TTC12: variants seen among roughly 807,000 people sequenced by gnomAD.
The protein encoded by TTC12 is tetratricopeptide repeat domain 12, also known as tetratricopeptide repeat protein 12.
Under a neutral mutation model 90.1 loss-of-function variants are expected in TTC12, and 70 were observed. The ratio of observed to expected loss-of-function variants is 0.78; its 90% CI spans 0.64 to 0.95. TTC12 has a LOEUF of 0.95. Among genes scored for constraint, TTC12 ranks in the 40% least tolerant of loss-of-function variants. The pLI is 0.00. For missense variants in TTC12, 819 were observed against 846.1 expected, an observed-to-expected ratio of 0.97 and a Z score of 0.40; for synonymous variants, 296 against 311.5, an observed-to-expected ratio of 0.95 and a Z score of 0.53.
chr11:113,349,338 A>G (rs187483840), intron 13 of TTC12, among the ~76,000 whole-genome samples: 11 of 152,230 alleles, frequency 7.2e-5, no homozygotes, highest in African/African-American at 2.2e-4. Context: ...AGTACTGAGC[A>G]CAGTATACTT....
At chr11:113,359,579 T>C in intron 17 of TTC12, 118 bp downstream of exon 17, 1 of 733,128 alleles carries the variant, frequency 1.4e-6, no homozygotes, top group South Asian at 1.8e-5. Context: ...ACACTGGCCG[T>C]GGAATGGGAA....
In TTC12 at chr11:113,344,399, G is replaced by A. The variant is rs1555147350; in HGVS notation, c.1113G>A (p.Glu371=). 1.9e-6 allele frequency: 3 copies of A among 1,614,132 alleles called. No homozygotes were observed. Among genetic ancestry groups the A allele is most frequent in the Non-Finnish European group, 2.5e-6 (3 of 1,180,012 alleles). Residue 371 remains glutamate (E), a synonymous_variant, in exon 13 of 22, where the codon GAG becomes GAA. Transcript: ENST00000529221. ...FALLLHLAQT[E]SGRSLIINHL... ...TGCTGCTGCATCTCGCCCAGACTGA[G>A]AGCGGACGGAGCCTGATCATCAACC...
At chr11:113,333,361 T>A (rs1948170361) in intron 7 of TTC12, among the ~76,000 whole-genome samples, 1 of 152,140 alleles carries the variant, frequency 6.6e-6, no homozygotes, top group African/African-American at 2.4e-5. Context: ...TCAGCCCAGA[T>A]CCCTCCTTTG....
At chr11:113,349,338 A>C (rs187483840) in intron 13 of TTC12, among the ~76,000 whole-genome samples, 2 of 152,230 alleles carry the variant, frequency 1.3e-5, no homozygotes, top group African/African-American at 2.4e-5. Flanking sequence ...AGTACTGAGC[A>C]CAGTATACTT....
rs1555147209 is a variant in TTC12, at chr11:113,344,310, G to A, written c.1024G>A (p.Ala342Thr). The A allele has an allele frequency of 6.2e-7, 1 of 1,614,012 alleles. No individual in the cohort carries two copies. Among genetic ancestry groups the A allele is most frequent in the Non-Finnish European group, 8.5e-7 (1 of 1,180,004 alleles). ...TGTGCTAGTGATACACCATGACAGG[G>A]CCAGGCTGTTGGCCGCCCTCTTGTC... ...QRVLVIHHDR[A>T]RLLAALLSSK... Residue 342 changes from alanine (A) to threonine (T), a missense_variant, in exon 13 of 22, where the codon GCC (alanine) becomes ACC (threonine). Ala to Thr is a moderately conservative substitution (Grantham distance 58, BLOSUM62 0). Transcript: ENST00000529221.
At chr11:113,369,507 G>A (rs897794238), downstream of TTC12, among the ~76,000 whole-genome samples, 10 of 145,126 alleles carry the variant, frequency 6.9e-5, no homozygotes, top group Non-Finnish European at 1.0e-4. Context: ...GCCTCATAAC[G>A]ACTGTGAGGT....
In TTC12 at chr11:113,325,562, A is replaced by G. The variant is rs1947634457; in HGVS notation, c.361A>G (p.Asn121Asp). The G allele has an allele frequency of 3.7e-6, 6 of 1,613,870 alleles. No homozygotes were observed. The highest frequency in any genetic ancestry group is 5.1e-6 in the Non-Finnish European group (6 of 1,179,856). The change falls in exon 6 of 22, where the codon AAT becomes GAT. Residue 121 changes from asparagine (N) to aspartate (D), a missense_variant. Physicochemically the swap from Asn to Asp is conservative, Grantham distance 23 (BLOSUM62 1). Coordinates refer to ENST00000529221, the MANE Select transcript of TTC12 (RefSeq NM_017868.4). ...EKGNEAFAEG[N>D]YETAILRYSE... Reference sequence around the variant, plus strand: ...AGGGAATGAAGCATTTGCTGAAGGCAATTATGAAACAGCTATCCTGCGCTA... The same window carrying G: ...AGGGAATGAAGCATTTGCTGAAGGCGATTATGAAACAGCTATCCTGCGCTA...
At chr11:113,317,050 G>A (rs544279642) in intron 2 of TTC12, among the ~76,000 whole-genome samples, 1 of 152,230 alleles carries the variant, frequency 6.6e-6, no homozygotes, top group Non-Finnish European at 1.5e-5. Context: ...GGGTGACATC[G>A]TAAATGATAC....
intron 9 of TTC12, 36 bp downstream of exon 9, chr11:113,338,870 TC>T: frequency 6.3e-7 from 1 of 1,584,856 alleles, no homozygotes; most frequent in Non-Finnish European, 8.7e-7. Context: ...TCATCTGAAC[TC>T]CACCTCCCTC....
At position 113,335,112 on chromosome 11, in the gene TTC12, T is replaced by C. The variant is rs1948290836; in HGVS notation, c.576+75T>C. ...TCCCAGTTGTGCTAGAGGAGAACCA[T>C]GATTCTCCAAGCTGATTAGGTATTA... On this transcript the variant is annotated intron_variant, in intron 8 of 21. Coordinates refer to ENST00000529221, the MANE Select transcript of TTC12 (RefSeq NM_017868.4). 3 of 1,088,932 alleles carry C rather than the reference T, an allele frequency of 2.8e-6. No individual in the cohort carries two copies. The East Asian group carries it at 7.2e-5, about 26-fold the overall frequency. The allele number at this position is 1,088,932 out of a possible 1,614,324, so 67.5% of individuals were successfully genotyped here. A position where few individuals can be genotyped will look rare whatever the true frequency, so the allele number is the denominator to read the frequency against.
At chr11:113,359,865 T>A (rs1419206911) in intron 17 of TTC12, 75 bp from the exon 18 acceptor site, 2 of 1,218,550 alleles carry the variant, frequency 1.6e-6, no homozygotes, top group African/African-American at 1.5e-5. Context: ...GAGACGGTGC[T>A]CAGAAGAAGC....
chr11:113,329,765 G>T (rs1947914652), intron 6 of TTC12, 155 bp from the exon 7 acceptor site: 1 of 710,370 alleles, frequency 1.4e-6, no homozygotes, highest in African/African-American at 1.7e-5. Flanking sequence ...GTTGCCCAGT[G>T]CAAGTGTGCC....
At chr11:113,353,779 G>A (rs1451898277) in intron 16 of TTC12, among the ~76,000 whole-genome samples, 1 of 152,078 alleles carries the variant, frequency 6.6e-6, no homozygotes, top group Non-Finnish European at 1.5e-5. Context: ...TTTTAGGTAT[G>A]CGGTCTTATT....
intron 19 of TTC12, among the ~76,000 whole-genome samples, chr11:113,363,014 C>T (rs1455897259): frequency 1.3e-5 from 2 of 152,138 alleles, no homozygotes; most frequent in South Asian, 2.1e-4. Flanking sequence ...TCTGGATTCA[C>T]CTGCAAGGGC....
At position 113,341,805 on chromosome 11, in the gene TTC12, CT is replaced by C. The variant is rs1399576261; in HGVS notation, c.897-28del. 2.6e-6 allele frequency: 4 copies of C among 1,541,232 alleles called. No homozygotes were observed. In the East Asian group the frequency reaches 6.7e-5, roughly 26 times the overall value. Reference sequence around the variant, plus strand: ...AAGAAAATCAAGACTGATTTTCAGACTTTTAAGATAGCTCTCCTTTGTCCAT... The same window carrying C: ...AAGAAAATCAAGACTGATTTTCAGACTTTAAGATAGCTCTCCTTTGTCCAT... On this transcript the variant is annotated intron_variant, in intron 11 of 21. Transcript: ENST00000529221.
chr11:113,325,684 G>A, intron 6 of TTC12, 39 bp downstream of exon 6: 1 of 1,604,830 alleles, frequency 6.2e-7, no homozygotes. Flanking sequence ...GCTTTCTCAG[G>A]GAATAGTTGC....
intron 17 of TTC12, 128 bp from the exon 18 acceptor site, chr11:113,359,812 G>A (rs185599741): frequency 1.7e-4 from 114 of 685,618 alleles, no homozygotes; most frequent in Non-Finnish European, 2.3e-4. Flanking sequence ...GTAAAAGATG[G>A]TGTTGTGAGG....
chr11:113,315,172 G>A, intron 1 of TTC12: 1 of 152,514 alleles, frequency 6.6e-6, no homozygotes, highest in Non-Finnish European at 1.5e-5. Context: ...ATTCAGTTAA[G>A]CCGCAACCCC....
At chr11:113,316,457 G>A in intron 2 of TTC12, 142 bp downstream of exon 2, 1 of 421,336 alleles carries the variant, frequency 2.4e-6, no homozygotes, top group Non-Finnish European at 4.3e-6. Flanking sequence ...AGGGTATTGA[G>A]AAACAAGTTA....
Sources: allele counts gnomAD v4.1 joint callset (sites outside exome capture counted in the v4.1 genomes callset), GRCh38; gene constraint gnomAD v4.1.1; transcripts MANE v1.5; gene names NCBI Gene and HGNC (gene_info 2026-07-23, HGNC 2026-07-21).